Variants in NACC1 observed in about 807,000 individuals in gnomAD.
NACC1 encodes nucleus accumbens associated 1.
In NACC1, 6 loss-of-function variants were observed where a neutral mutation model predicts 41.7. The ratio of observed to expected loss-of-function variants is 0.14; its 90% CI spans 0.08 to 0.28. The LOEUF is 0.28. Among genes scored for constraint, NACC1 ranks in the 10% least tolerant of loss-of-function variants. The probability of loss-of-function intolerance (pLI) is 1.00; values close to 1 mark genes in which losing one functional copy is unlikely to be tolerated. For missense variants in NACC1, 434 were observed against 763.7 expected, an observed-to-expected ratio of 0.57 and a Z score of 5.09; for synonymous variants, 338 against 330.6, an observed-to-expected ratio of 1.02 and a Z score of -0.24.
At chr19:13,118,774 AGG>A (rs2019445922) in intron 1 of NACC1, among the ~76,000 whole-genome samples, 1 of 88,836 alleles carries the variant, frequency 1.1e-5, no homozygotes, top group Admixed American at 1.4e-4. Flanking sequence ...AAAAGTGAGG[AGG>A]TTCTCGTGGA....
intron 1 of NACC1, among the ~76,000 whole-genome samples, chr19:13,127,150 T>C (rs1362503061): frequency 1.3e-5 from 2 of 151,136 alleles, no homozygotes; most frequent in Non-Finnish European, 2.9e-5. Context: ...TCATAGGAAC[T>C]CCCAAGAAGG....
chr19:13,139,469 TGGG>T lies in NACC1; in HGVS notation c.*1067_*1069del, dbSNP rs1192966475. ...GGGGCCTTGGAAGGCAGGGCGGTGTTGGGGGGCTGGGGGGCAGGCTGAATGTGT... is the reference window on the plus strand; with the variant it reads ...GGGGCCTTGGAAGGCAGGGCGGTGTTGGGCTGGGGGGCAGGCTGAATGTGT... On this transcript the variant is annotated 3_prime_UTR_variant, in exon 6 of 6. Coordinates refer to ENST00000292431, the MANE Select transcript of NACC1 (RefSeq NM_052876.4). 2 of 151,594 alleles carry T rather than the reference TGGG, an allele frequency of 1.3e-5. No individual in the cohort carries two copies. Among genetic ancestry groups the T allele is most frequent in the African/African-American group, 2.4e-5 (1 of 41,120 alleles). The allele number at this position is 151,594 out of a possible 1,614,324, so 9.4% of individuals were successfully genotyped here. A position where few individuals can be genotyped will look rare whatever the true frequency, so the allele number is the denominator to read the frequency against.
Position 13,138,167 on chromosome 19 carries a change from C to T in NACC1, c.1345C>T (p.Pro449Ser). Reference sequence around the variant, plus strand: ...CACAGACTACTGCCAGAACTTCGCCCCCAACTTCAAGGAGAGCGAGATGAA... The same window carrying T: ...CACAGACTACTGCCAGAACTTCGCCTCCAACTTCAAGGAGAGCGAGATGAA... ...AVKYYCQNFA[P>S]NFKESEMNAI... Residue 449 changes from proline to serine, a missense_variant, in exon 6 of 6, where the codon CCC (proline) becomes TCC (serine). By Grantham distance (74) the Pro-to-Ser change is moderately conservative. Transcript: ENST00000292431. The surrounding 1 kb of genome is among the most constrained non-coding windows in gnomAD (Gnocchi z 5.7). 1 of 1,613,950 alleles carries T rather than the reference C, an allele frequency of 6.2e-7. No individual in the cohort carries two copies. Among genetic ancestry groups the T allele is most frequent in the Non-Finnish European group, 8.5e-7 (1 of 1,179,818 alleles).
intron 1 of NACC1, among the ~76,000 whole-genome samples, chr19:13,118,897 A>G (rs1361602655): frequency 7.4e-6 from 1 of 134,608 alleles, no homozygotes; most frequent in African/African-American, 2.9e-5. Context: ...CCGGGCCTGC[A>G]GGTACCGCCT....
In NACC1 at chr19:13,137,402, G is replaced by A; in HGVS notation, c.1226+26G>A. On this transcript the variant is annotated intron_variant, in intron 4 of 5. Transcript: ENST00000292431. This position sits in a 1 kb window ranked among gnomAD's most constrained non-coding sequence, Gnocchi z 6.1. Reference sequence around the variant, plus strand: ...GTAAGGCCCTTGCCAGAGCCCCAGGGAGGGGGGTGGGGTTTCCCCATGTCC... The same window carrying A: ...GTAAGGCCCTTGCCAGAGCCCCAGGAAGGGGGGTGGGGTTTCCCCATGTCC... 1 of 1,554,424 alleles carries A rather than the reference G, an allele frequency of 6.4e-7. No homozygotes were observed. Among genetic ancestry groups the A allele is most frequent in the Non-Finnish European group, 8.9e-7 (1 of 1,126,408 alleles).
At chr19:13,126,120 C>T (rs1026667574) in intron 1 of NACC1, among the ~76,000 whole-genome samples, 9 of 151,746 alleles carry the variant, frequency 5.9e-5, no homozygotes, top group South Asian at 2.1e-4. Context: ...CTCGGCTCAC[C>T]GCAACCTTCG....
At position 13,136,463 on chromosome 19, in the gene NACC1, G is replaced by C; in HGVS notation, c.1120+58G>C. ...CGCAGCTTTGGAGCCGGCTGGCCTG[G>C]GCTGGGCTGGGCAGCTGGTTAGGAG... On this transcript the variant is annotated intron_variant, in intron 3 of 5. Transcript: ENST00000292431. The surrounding 1 kb of genome is among the most constrained non-coding windows in gnomAD (Gnocchi z 5.5). 1 of 1,537,406 alleles carries C rather than the reference G, an allele frequency of 6.5e-7. No homozygotes were observed. Among genetic ancestry groups the C allele is most frequent in the Non-Finnish European group, 8.7e-7 (1 of 1,144,092 alleles).
intron 1 of NACC1, among the ~76,000 whole-genome samples, chr19:13,124,450 C>T (rs1434813777): frequency 6.6e-6 from 1 of 152,066 alleles, no homozygotes; most frequent in East Asian, 1.9e-4. Flanking sequence ...CTGTATTGCC[C>T]AGGCTGGTCT....
At chr19:13,132,767 G>A (rs2145620877) in intron 1 of NACC1, among the ~76,000 whole-genome samples, 1 of 152,278 alleles carries the variant, frequency 6.6e-6, no homozygotes, top group Non-Finnish European at 1.5e-5. Flanking sequence ...GACTAGTAAT[G>A]TTTCCGTGTA....
Position 13,137,696 on chromosome 19 carries a change from C to G in NACC1, c.1324+121C>G. 1.2e-6 allele frequency: 1 copy of G among 811,654 alleles called. No individual in the cohort carries two copies. The highest frequency in any genetic ancestry group is 2.7e-5 in the East Asian group (1 of 37,106). The allele number at this position is 811,654 out of a possible 1,614,324, so 50.3% of individuals were successfully genotyped here. On this transcript the variant is annotated intron_variant, in intron 5 of 5. Coordinates refer to ENST00000292431, the MANE Select transcript of NACC1 (RefSeq NM_052876.4). The surrounding 1 kb of genome is among the most constrained non-coding windows in gnomAD (Gnocchi z 6.1). ...GTTGAGAAGCATTCTGGGGCTCATT[C>G]TAGCCTTGCTGGGAAACCGGCTGTG...
At chr19:13,132,682 C>T (rs567100204) in intron 1 of NACC1, among the ~76,000 whole-genome samples, 1 of 152,232 alleles carries the variant, frequency 6.6e-6, no homozygotes, top group African/African-American at 2.4e-5. Flanking sequence ...CTGTGTCTTG[C>T]TTGTGGCCTG....
At chr19:13,125,711 C>T (rs1019218821) in intron 1 of NACC1, among the ~76,000 whole-genome samples, 4 of 148,540 alleles carry the variant, frequency 2.7e-5, no homozygotes, top group Admixed American at 6.7e-5. Flanking sequence ...TGAGCCACTG[C>T]ACCCAGCCCT....
intron 1 of NACC1, among the ~76,000 whole-genome samples, chr19:13,130,177 A>G (rs1170595865): frequency 6.6e-6 from 1 of 152,116 alleles, no homozygotes; most frequent in Non-Finnish European, 1.5e-5. Context: ...TTTTGGCTCA[A>G]GTGATCCTCC....
At position 13,141,011 on chromosome 19, in the gene NACC1, G is replaced by A. The variant is rs2019784322; in HGVS notation, c.*2605G>A. The A allele has an allele frequency of 1.3e-5, 2 of 152,260 alleles. No individual in the cohort carries two copies. The highest frequency in any genetic ancestry group is 4.1e-4 in the South Asian group (2 of 4,826). 9.4% of individuals were successfully genotyped at this position (152,260 alleles called of 1,614,324 possible). A position where few individuals can be genotyped will look rare whatever the true frequency, so the allele number is the denominator to read the frequency against. ...GCCAACGCCCTCCCCACCCTGGGCC[G>A]AGCCCCCACCCCTCCCTGGGCCCCC... On this transcript the variant is annotated 3_prime_UTR_variant, in exon 6 of 6. Transcript: ENST00000292431.
intron 1 of NACC1, among the ~76,000 whole-genome samples, chr19:13,119,724 A>C (rs1444863688): frequency 1.3e-5 from 2 of 152,220 alleles, no homozygotes; most frequent in Admixed American, 6.5e-5. Flanking sequence ...GGGTGAAGGC[A>C]GGGCACAGAG....
At chr19:13,131,327 G>A (rs1307847035) in intron 1 of NACC1, among the ~76,000 whole-genome samples, 2 of 152,204 alleles carry the variant, frequency 1.3e-5, no homozygotes, top group Non-Finnish European at 2.9e-5. Context: ...CCTCCTCCCT[G>A]GGGAATGAGC....
At chr19:13,131,840 C>A (rs1030687206) in intron 1 of NACC1, 1 of 152,082 alleles carries the variant, frequency 6.6e-6, no homozygotes, top group Admixed American at 6.6e-5. Flanking sequence ...GCAGATAGCT[C>A]AGGACATATC....
intron 1 of NACC1, among the ~76,000 whole-genome samples, chr19:13,122,577 G>A (rs557977623): frequency 8.5e-6 from 1 of 117,310 alleles, no homozygotes; most frequent in Non-Finnish European, 2.2e-5. Context: ...CCAGGGATGC[G>A]GTTCAACATC....
Position 13,135,437 on chromosome 19 carries a change from C to G in NACC1, c.230C>G (p.Ser77Cys), listed in dbSNP as rs779663902. ...VELPAAVQPQSFQQILSFCYT... is the reference protein window; with the variant it reads ...VELPAAVQPQCFQQILSFCYT... ...CTGCCGGCGGCTGTGCAGCCCCAGT[C>G]TTTCCAGCAGATCCTCAGCTTCTGC... The change falls in exon 2 of 6, where the codon TCT (serine) becomes TGT (cysteine). Residue 77 changes from serine (S) to cysteine (C), a missense_variant. Around this residue, in one of 4 missense-constraint regions of NACC1, gnomAD observed 67 missense variants for 180.1 expected, o/e 0.37. Transcript: ENST00000292431. 6 of 1,612,892 alleles carry G rather than the reference C, an allele frequency of 3.7e-6. No homozygotes were observed. Among genetic ancestry groups the G allele is most frequent in the Non-Finnish European group, 5.1e-6 (6 of 1,179,610 alleles).
Sources: gnomAD v4.1 joint callset for allele counts (sites outside exome capture counted in the v4.1 genomes callset) on GRCh38, gnomAD v4.1.1 for gene constraint, gnomAD v4.1.1 regional missense constraint, Gnocchi (gnomAD v3.1) non-coding constraint, MANE v1.5 for transcripts, NCBI Gene and HGNC (gene_info 2026-07-23, HGNC 2026-07-21) for gene names.